ELAPOR1: variants seen among roughly 807,000 people sequenced by gnomAD.
ELAPOR1 encodes the protein endosome/lysosome-associated apoptosis and autophagy regulator 1.
A neutral mutation model predicts 119.7 loss-of-function variants in ELAPOR1; 77 were observed. That is an observed-to-expected ratio of 0.64 (90% CI 0.54 to 0.78). The LOEUF is 0.78. Ranked by LOEUF, ELAPOR1 falls within the 30% of genes least tolerant of loss-of-function variation. The pLI, the probability that ELAPOR1 is intolerant of heterozygous loss-of-function variation, is 0.00. For missense variants in ELAPOR1, 1,115 were observed against 1,270.4 expected (o/e 0.88, Z 1.86); for synonymous variants, 481 against 487.2 (o/e 0.99, Z 0.17).
At chr1:109,116,800 C>G (rs933087821) in intron 1 of ELAPOR1, among the ~76,000 whole-genome samples, 1 of 151,684 alleles carries the variant, frequency 6.6e-6, no homozygotes, top group African/African-American at 2.4e-5. Context: ...AAGCAATTCT[C>G]CTGCCTCAGC....
At chr1:109,162,098 T>A in intron 2 of ELAPOR1, 84 bp downstream of exon 2, 2 of 1,441,356 alleles carry the variant, frequency 1.4e-6, no homozygotes, top group South Asian at 2.5e-5. Flanking sequence ...TCTGGGCCCT[T>A]CCTGGCAGAG....
chr1:109,168,703 A>C (rs1651745623), intron 3 of ELAPOR1, among the ~76,000 whole-genome samples: 1 of 152,236 alleles, frequency 6.6e-6, no homozygotes, highest in South Asian at 2.1e-4. Context: ...AACATTAAAA[A>C]TGAAAAACAT....
At chr1:109,167,928 CA>C (rs1651694257) in intron 3 of ELAPOR1, among the ~76,000 whole-genome samples, 1 of 152,272 alleles carries the variant, frequency 6.6e-6, no homozygotes, top group African/African-American at 2.4e-5. Context: ...TAAATCCAGT[CA>C]CAGTACTTTC....
At chr1:109,115,670 A>G (rs1647945606) in intron 1 of ELAPOR1, among the ~76,000 whole-genome samples, 2 of 152,202 alleles carry the variant, frequency 1.3e-5, no homozygotes, top group South Asian at 4.1e-4. Flanking sequence ...TTCTGTGTCT[A>G]CAGCACAGCA....
rs371412112 is a variant in ELAPOR1 at position 109,167,149 on chromosome 1, A to C, written c.467+2458A>C. Among the ~76,000 whole-genome samples, 4 of 152,210 alleles carry C rather than the reference A, an allele frequency of 2.6e-5. No homozygotes were observed. In the South Asian group the frequency reaches 8.3e-4, roughly 32 times the overall value. ...CATTTGAGTCCTAACTGAGAATGTC[A>C]TTAGGCCCTGGACAAGGTGCAGACA... On this transcript the variant is annotated intron_variant, in intron 3 of 21. Coordinates refer to ENST00000369939, the MANE Select transcript of ELAPOR1 (RefSeq NM_020775.5).
intron 7 of ELAPOR1, among the ~76,000 whole-genome samples, chr1:109,174,638 G>A (rs1245351452): frequency 6.6e-6 from 1 of 151,788 alleles, no homozygotes; most frequent in Non-Finnish European, 1.5e-5. Context: ...ATGTGAGATG[G>A]TAAAAAGTGC....
intron 8 of ELAPOR1, among the ~76,000 whole-genome samples, chr1:109,185,472 C>T (rs1652989082): frequency 3.3e-5 from 5 of 152,206 alleles, no homozygotes; most frequent in Admixed American, 3.3e-4. Flanking sequence ...TCCCGGGGCT[C>T]TTCAGGCTCA....
At chr1:109,142,981 G>A (rs942320346) in intron 1 of ELAPOR1, among the ~76,000 whole-genome samples, 3 of 150,434 alleles carry the variant, frequency 2.0e-5, no homozygotes, top group South Asian at 2.1e-4. Flanking sequence ...AAGCAGTCTC[G>A]CTCTGTCGCC....
chr1:109,166,956 G>A (rs1651640109), intron 3 of ELAPOR1, among the ~76,000 whole-genome samples: 1 of 152,214 alleles, frequency 6.6e-6, no homozygotes, highest in Non-Finnish European at 1.5e-5. Context: ...TCTTGTCTAA[G>A]CCAAGCAGTG....
At chr1:109,184,189 T>C (rs1486586549) in intron 7 of ELAPOR1, among the ~76,000 whole-genome samples, 3 of 152,114 alleles carry the variant, frequency 2.0e-5, no homozygotes, top group African/African-American at 7.2e-5. Flanking sequence ...CTGACCAACA[T>C]GGAGAAACTC....
At chr1:109,122,357 A>T (rs1648489272) in intron 1 of ELAPOR1, among the ~76,000 whole-genome samples, 3 of 72,248 alleles carry the variant, frequency 4.2e-5, no homozygotes, top group African/African-American at 1.4e-4. Flanking sequence ...CCTTTCCATT[A>T]AAAAAAAAAA....
intron 1 of ELAPOR1, among the ~76,000 whole-genome samples, chr1:109,137,360 C>T (rs1023688426): frequency 1.3e-5 from 2 of 150,800 alleles, no homozygotes; most frequent in African/African-American, 4.9e-5. Context: ...TGCACCATGA[C>T]GCCCAGCTAA....
At chr1:109,146,943 T>C (rs1028802180) in intron 1 of ELAPOR1, among the ~76,000 whole-genome samples, 6 of 151,942 alleles carry the variant, frequency 3.9e-5, no homozygotes, top group Admixed American at 3.3e-4. Context: ...ACTCACTTTG[T>C]CACCCAGGAT....
intron 1 of ELAPOR1, among the ~76,000 whole-genome samples, chr1:109,145,105 G>A (rs1650095846): frequency 6.6e-6 from 1 of 152,028 alleles, no homozygotes; most frequent in African/African-American, 2.4e-5. Flanking sequence ...AGGCCGAGTG[G>A]ATCTCTCCCT....
intron 1 of ELAPOR1, among the ~76,000 whole-genome samples, chr1:109,144,251 C>T (rs1650043012): frequency 6.6e-6 from 1 of 150,396 alleles, no homozygotes. Context: ...GGGGCTTCTC[C>T]ATGTTTGCCA....
At chr1:109,126,269 C>T (rs919504968) in intron 1 of ELAPOR1, among the ~76,000 whole-genome samples, 3 of 152,102 alleles carry the variant, frequency 2.0e-5, no homozygotes, top group Non-Finnish European at 2.9e-5. Context: ...CAGCCTGGTG[C>T]TCAGAGGATG....
chr1:109,189,647 C>T lies in ELAPOR1; in HGVS notation c.1404C>T (p.Asp468=), dbSNP rs1653299560. The change falls in exon 11 of 22, where the codon GAC becomes GAT. Residue 468 remains aspartate, a synonymous_variant. Coordinates refer to ENST00000369939, the MANE Select transcript of ELAPOR1 (RefSeq NM_020775.5). ...IYTAAGASDN[D]FMILTLVVPG... ...CAGCTGCTGGAGCCTCAGACAATGA[C>T]TTCATGATTCTCACTCTGGTTGTGC... is the stretch of plus-strand genomic sequence containing the variant. 6.2e-7 allele frequency: 1 copy of T among 1,614,152 alleles called. No individual in the cohort carries two copies. The highest frequency in any genetic ancestry group is 8.5e-7 in the Non-Finnish European group (1 of 1,180,006).
chr1:109,124,778 C>A (rs993438758), intron 1 of ELAPOR1, among the ~76,000 whole-genome samples: 1 of 152,186 alleles, frequency 6.6e-6, no homozygotes, highest in African/African-American at 2.4e-5. Context: ...ATACTGCATT[C>A]TTGGTCCATA....
rs538751247 is a variant in ELAPOR1 at position 109,195,078 on chromosome 1, C to A, written c.2121+484C>A. Among the ~76,000 whole-genome samples, 8 of 151,494 alleles carry A rather than the reference C, an allele frequency of 5.3e-5. No homozygotes were observed. The South Asian group carries it at 1.7e-3, about 32-fold the overall frequency. On this transcript the variant is annotated intron_variant, in intron 15 of 21. Transcript: ENST00000369939. Reference sequence around the variant, plus strand: ...TGAGCTGAGATTGCGCCATTGCACTCCAGCCTGGGCAAAAAGGTGAAACTT... The same window carrying A: ...TGAGCTGAGATTGCGCCATTGCACTACAGCCTGGGCAAAAAGGTGAAACTT...
Sources: gnomAD v4.1 joint callset for allele counts (sites outside exome capture counted in the v4.1 genomes callset) on GRCh38, gnomAD v4.1.1 for gene constraint, MANE v1.5 for transcripts, NCBI Gene and HGNC (gene_info 2026-07-23, HGNC 2026-07-21) for gene names.